The following ATF7 variants were observed in gnomAD, a reference collection of about 807,000 sequenced individuals.
ATF7 encodes the protein activating transcription factor 7.
ATF7 carries 10 observed loss-of-function variants against 50.4 expected under a neutral mutation model. The ratio of observed to expected loss-of-function variants is 0.20; its 90% CI spans 0.12 to 0.34. The LOEUF is 0.34. Ranked by LOEUF, ATF7 falls within the 10% of genes least tolerant of loss-of-function variation. ATF7 has a pLI of 1.00. For synonymous variants in ATF7, 201 were observed against 226.4 expected (o/e 0.89, Z 1.01); for missense variants, 465 against 613.9 (o/e 0.76, Z 2.56).
At chr12:53,534,948 A>G (rs1939132076) in intron 5 of ATF7, among the ~76,000 whole-genome samples, 1 of 152,186 alleles carries the variant, frequency 6.6e-6, no homozygotes, top group Non-Finnish European at 1.5e-5. Context: ...AGTACCATAT[A>G]AATTCTAGAG....
chr12:53,590,521 C>T (rs1942895255), intron 2 of ATF7, among the ~76,000 whole-genome samples: 1 of 152,162 alleles, frequency 6.6e-6, no homozygotes, highest in South Asian at 2.1e-4. Flanking sequence ...TACCTTGATT[C>T]CCCAGATACA....
At chr12:53,511,258 C>T (rs369271942), downstream of ATF7, among the ~76,000 whole-genome samples, 3 of 152,086 alleles carry the variant, frequency 2.0e-5, no homozygotes, top group African/African-American at 7.2e-5. Context: ...CTCTTACCTG[C>T]TTTTTTTGAG....
intron 2 of ATF7, among the ~76,000 whole-genome samples, chr12:53,595,842 G>C (rs763743233): frequency 2.6e-5 from 4 of 152,106 alleles, no homozygotes; most frequent in Non-Finnish European, 5.9e-5. Context: ...TATATGTTTC[G>C]TATCTCAGTT....
At chr12:53,597,325 T>C (rs1364217687) in intron 2 of ATF7, among the ~76,000 whole-genome samples, 3 of 152,164 alleles carry the variant, frequency 2.0e-5, no homozygotes, top group Non-Finnish European at 4.4e-5. Context: ...TACGTATCCA[T>C]TGAAAGCCTA....
At chr12:53,565,668 G>A (rs1351135605) in intron 2 of ATF7, among the ~76,000 whole-genome samples, 1 of 151,874 alleles carries the variant, frequency 6.6e-6, no homozygotes, top group African/African-American at 2.4e-5. Flanking sequence ...AATTTTTATA[G>A]TTTTAGTAGA....
At chr12:53,523,209 C>T in intron 11 of ATF7, 67 bp downstream of exon 11, 1 of 1,143,600 alleles carries the variant, frequency 8.7e-7, no homozygotes, top group Non-Finnish European at 1.3e-6. Flanking sequence ...AAATTATAAG[C>T]AGTTGAGACA....
Position 53,531,745 on chromosome 12 carries a change from T to C in ATF7, c.926A>G (p.Gln309Arg). 1 of 1,610,050 alleles carries C rather than the reference T, an allele frequency of 6.2e-7. No individual in the cohort carries two copies. Among genetic ancestry groups the C allele is most frequent in the Non-Finnish European group, 8.5e-7 (1 of 1,178,454 alleles). The change falls in exon 9 of 12, where the codon CAG becomes CGG. Residue 309 changes from glutamine to arginine, a missense_variant and splice_region_variant. Transcript: ENST00000420353. The part of the protein sequence containing the change: ...HPDAPSPAQP[Q>R]VSPAQPTPST... The stretch of plus-strand genomic sequence containing the variant: ...ACATAAAGAGTAAGAGCCACTGACC[T>C]GTGGCTGGGCAGGGGATGGGGCATC...
At position 53,543,441 on chromosome 12, in the gene ATF7, C is replaced by T. The variant is rs754311671; in HGVS notation, c.153G>A (p.Thr51=). 9 of 1,592,802 alleles carry T rather than the reference C, an allele frequency of 5.7e-6. No homozygotes were observed. The highest frequency in any genetic ancestry group is 1.8e-5 in the Admixed American group (1 of 56,562). Residue 51 remains threonine, a synonymous_variant, in exon 4 of 12, where the codon ACG becomes ACA. Transcript: ENST00000420353. ...TCTTCAGGAATCTAGTTGGAGTAGG[C>T]GTTTGATCTGTAGACATGAAAGAAA... ...RTDSVIIADQ[T]PTPTRFLKNC...
chr12:53,591,405 T>C (rs1942931761), intron 2 of ATF7, among the ~76,000 whole-genome samples: 3 of 152,152 alleles, frequency 2.0e-5, no homozygotes, highest in Non-Finnish European at 2.9e-5. Flanking sequence ...CATAGTGGCA[T>C]TTTATAGTGA....
At chr12:53,550,803 T>A (rs1196195518) in intron 3 of ATF7, among the ~76,000 whole-genome samples, 1 of 152,178 alleles carries the variant, frequency 6.6e-6, no homozygotes, top group Non-Finnish European at 1.5e-5. Context: ...ATAGCTGAAG[T>A]CATGTGCAAC....
chr12:53,545,921 G>A (rs368864600), intron 3 of ATF7, among the ~76,000 whole-genome samples: 5 of 151,868 alleles, frequency 3.3e-5, no homozygotes, highest in Non-Finnish European at 7.4e-5. Flanking sequence ...GGCTGGGTGC[G>A]GTGGCTCACG....
chr12:53,622,273 G>C (rs1412335359), intron 1 of ATF7, among the ~76,000 whole-genome samples: 1 of 150,698 alleles, frequency 6.6e-6, no homozygotes, highest in Non-Finnish European at 1.5e-5. Context: ...CTGCACTCCA[G>C]TCTGGGAAAC....
At chr12:53,520,006 A>G (rs1215273530) in intron 11 of ATF7, among the ~76,000 whole-genome samples, 3 of 152,072 alleles carry the variant, frequency 2.0e-5, no homozygotes, top group Non-Finnish European at 4.4e-5. Context: ...TCAGCCTCCC[A>G]AAGTGCTGGG....
At chr12:53,560,615 C>T (rs1284229412) in intron 2 of ATF7, among the ~76,000 whole-genome samples, 2 of 152,124 alleles carry the variant, frequency 1.3e-5, no homozygotes, top group Non-Finnish European at 1.5e-5. Flanking sequence ...ACCACAGCAC[C>T]CGTTTTCATG....
intron 2 of ATF7, among the ~76,000 whole-genome samples, chr12:53,572,632 T>G (rs185716368): frequency 2.0e-5 from 3 of 152,122 alleles, no homozygotes; most frequent in African/African-American, 7.2e-5. Flanking sequence ...CAGTTACCCA[T>G]AGTCAACTGC....
At chr12:53,593,166 A>C (rs1056757206) in intron 2 of ATF7, among the ~76,000 whole-genome samples, 1 of 152,172 alleles carries the variant, frequency 6.6e-6, no homozygotes, top group Non-Finnish European at 1.5e-5. Flanking sequence ...AGTACTTGGG[A>C]GCCTCGGGTG....
intron 5 of ATF7, 53 bp from the exon 6 acceptor site, chr12:53,534,712 G>T (rs1939117788): frequency 9.7e-6 from 15 of 1,553,612 alleles, no homozygotes; most frequent in Non-Finnish European, 1.3e-5. Context: ...TGCTTATAGG[G>T]AAATATATAG....
At chr12:53,552,705 A>G in intron 2 of ATF7, 68 bp from the exon 3 acceptor site, 2 of 1,195,928 alleles carry the variant, frequency 1.7e-6, no homozygotes, top group South Asian at 1.3e-5. Flanking sequence ...CCCTTTTAAA[A>G]TGTCCTACCA....
intron 2 of ATF7, among the ~76,000 whole-genome samples, chr12:53,559,592 T>A (rs1940970850): frequency 6.8e-6 from 1 of 147,274 alleles, no homozygotes; most frequent in Admixed American, 7.0e-5. Flanking sequence ...GGCACGAGAA[T>A]CACTTGAACC....
Sources: gnomAD v4.1 joint callset for allele counts (sites outside exome capture counted in the v4.1 genomes callset) on GRCh38, gnomAD v4.1.1 for gene constraint, MANE v1.5 for transcripts, NCBI Gene and HGNC (gene_info 2026-07-23, HGNC 2026-07-21) for gene names.